Variants in BMPR1B observed in about 807,000 individuals in gnomAD.
BMPR1B encodes bone morphogenetic protein receptor type-1B.
Under a neutral mutation model 59.1 loss-of-function variants are expected in BMPR1B, and 12 were observed. The ratio of observed to expected loss-of-function variants is 0.20; its 90% CI spans 0.13 to 0.33. The LOEUF is 0.33. BMPR1B is among the 10% of genes least tolerant of loss of function. BMPR1B has a pLI of 1.00. For missense variants in BMPR1B, 550 were observed against 610.9 expected (o/e 0.90, Z 1.05); for synonymous variants, 237 against 207.3 (o/e 1.14, Z -1.23).
intron 1 of BMPR1B, among the ~76,000 whole-genome samples, chr4:94,875,346 TCA>T (rs1726679188): frequency 6.6e-6 from 1 of 152,184 alleles, no homozygotes; most frequent in South Asian, 2.1e-4. Context: ...TTCACAATAA[TCA>T]TGGGAAGATG....
At chr4:95,066,782 A>G (rs770203431) in intron 3 of BMPR1B, among the ~76,000 whole-genome samples, 2 of 152,198 alleles carry the variant, frequency 1.3e-5, no homozygotes, top group Non-Finnish European at 2.9e-5. Flanking sequence ...TTTTGAGCCC[A>G]GAGATCCATG....
intron 10 of BMPR1B, among the ~76,000 whole-genome samples, chr4:95,138,736 G>A (rs1733993025): frequency 1.3e-5 from 2 of 152,098 alleles, no homozygotes; most frequent in Non-Finnish European, 2.9e-5. Flanking sequence ...CGTAGTTCTT[G>A]TGCCATGGTT....
At chr4:95,035,967 T>G (rs1296896706) in intron 3 of BMPR1B, among the ~76,000 whole-genome samples, 1 of 152,178 alleles carries the variant, frequency 6.6e-6, no homozygotes, top group African/African-American at 2.4e-5. Flanking sequence ...AGCAGAGTTT[T>G]GTGGTTTTCC....
rs559958397 is a variant in BMPR1B at position 95,073,220 on chromosome 4, T to C, written c.-17-31188T>C. 2.6e-5 allele frequency among the ~76,000 whole-genome samples: 4 copies of C among 152,264 alleles called. No homozygotes were observed. In the East Asian group the frequency reaches 7.7e-4, roughly 29 times the overall value. ...GAGAGATTTGTTCTTAGTAAGTTAA[T>C]ATTTGACTTGCCAAGCCATTTGGGA... On this transcript the variant is annotated intron_variant, in intron 3 of 12. Transcript: ENST00000515059.
chr4:94,976,864 G>A (rs1344266722), intron 2 of BMPR1B, among the ~76,000 whole-genome samples: 1 of 152,020 alleles, frequency 6.6e-6, no homozygotes, highest in East Asian at 1.9e-4. Flanking sequence ...CCTGGGAATT[G>A]TTCTCTGTGG....
chr4:95,145,636 A>G (rs575961609), intron 10 of BMPR1B, among the ~76,000 whole-genome samples: 53 of 152,366 alleles, frequency 3.5e-4, no homozygotes, highest in South Asian at 2.7e-3. Context: ...AACAGGTAAA[A>G]TGATGCTACT....
At chr4:94,791,293 A>G (rs1722980976) in intron 1 of BMPR1B, among the ~76,000 whole-genome samples, 3 of 152,122 alleles carry the variant, frequency 2.0e-5, no homozygotes, top group Admixed American at 1.3e-4. Context: ...CCAGCCACCA[A>G]GTAGGTCTTT....
intron 2 of BMPR1B, among the ~76,000 whole-genome samples, chr4:94,908,302 G>T (rs1446488508): frequency 2.0e-5 from 3 of 151,282 alleles, no homozygotes; most frequent in Non-Finnish European, 4.4e-5. Flanking sequence ...GTATGTGTCT[G>T]ATATTTTATA....
intron 2 of BMPR1B, among the ~76,000 whole-genome samples, chr4:94,892,604 G>T (rs767187165): frequency 3.1e-4 from 47 of 152,008 alleles, no homozygotes; most frequent in Admixed American, 2.1e-3. Context: ...ACCCAGTAAA[G>T]AAGTAATTCT....
chr4:94,917,437 C>G (rs540708240), intron 2 of BMPR1B, among the ~76,000 whole-genome samples: 1 of 152,204 alleles, frequency 6.6e-6, no homozygotes, highest in Non-Finnish European at 1.5e-5. Flanking sequence ...GAGAGCCCAC[C>G]TCTTGCAGCA....
rs60473542 is a variant in BMPR1B, at chr4:94,833,192, C to CAAA, written c.-182-42622_-182-42620dup. Among the ~76,000 whole-genome samples, 472 of 132,980 alleles carry CAAA rather than the reference C, an allele frequency of 3.5e-3. 4 individuals carry two copies. Among genetic ancestry groups the CAAA allele is most frequent in the African/African-American group, 7.6e-3 (272 of 35,702 alleles). 87.2% of individuals were successfully genotyped at this position (132,980 alleles called of 152,430 possible). A position where few individuals can be genotyped will look rare whatever the true frequency, so the allele number is the denominator to read the frequency against. ...GATGAGAGAGGCAGAGACTCTTTCT[C>CAAA]AAAAAAAAAAAAAAAAAAATGCAGG... On this transcript the variant is annotated intron_variant, in intron 1 of 12. Transcript: ENST00000515059.
intron 1 of BMPR1B, among the ~76,000 whole-genome samples, chr4:94,846,617 T>G (rs1725341470): frequency 6.6e-6 from 1 of 152,198 alleles, no homozygotes; most frequent in African/African-American, 2.4e-5. Flanking sequence ...AGACTGGCTC[T>G]CCTTGCTCCT....
chr4:95,132,978 C>G (rs908347905), intron 10 of BMPR1B, among the ~76,000 whole-genome samples: 1 of 152,164 alleles, frequency 6.6e-6, no homozygotes, highest in African/African-American at 2.4e-5. Context: ...GCTCTGCTCT[C>G]TTTTTACCTC....
chr4:95,072,170 A>G (rs1317713260), intron 3 of BMPR1B, among the ~76,000 whole-genome samples: 1 of 152,132 alleles, frequency 6.6e-6, no homozygotes, highest in Non-Finnish European at 1.5e-5. Flanking sequence ...GGGCTCTCTT[A>G]CTTTGAGAAA....
intron 2 of BMPR1B, among the ~76,000 whole-genome samples, chr4:94,969,081 C>G (rs1730673095): frequency 6.6e-6 from 1 of 151,776 alleles, no homozygotes; most frequent in Non-Finnish European, 1.5e-5. Context: ...TGTCGCCAGG[C>G]TGGAGTGCGG....
At chr4:94,984,655 A>G (rs886861476) in intron 2 of BMPR1B, among the ~76,000 whole-genome samples, 1 of 152,212 alleles carries the variant, frequency 6.6e-6, no homozygotes, top group Admixed American at 6.5e-5. Context: ...TTTAAAAATT[A>G]CACAGGTAAT....
rs147660285 is a variant in BMPR1B, at chr4:94,964,726, A to G, written c.-112-31314A>G. The stretch of plus-strand genomic sequence containing the variant: ...GAATGGAAATAACATTGGCTTTTAC[A>G]ACAGGTTAGCAGTGTTTTTCATCAG... On this transcript the variant is annotated intron_variant, in intron 2 of 12. Coordinates refer to ENST00000515059, the MANE Select transcript of BMPR1B (RefSeq NM_001203.3). Among the ~76,000 whole-genome samples, 11 of 152,298 alleles carry G rather than the reference A, an allele frequency of 7.2e-5. No individual in the cohort carries two copies. In the East Asian group the frequency reaches 1.9e-3, roughly 27 times the overall value.
intron 1 of BMPR1B, among the ~76,000 whole-genome samples, chr4:94,787,927 G>C (rs891671459): frequency 1.3e-5 from 2 of 152,130 alleles, no homozygotes; most frequent in Non-Finnish European, 2.9e-5. Flanking sequence ...TAGGAGGTTT[G>C]AGTGGCCTGT....
At chr4:94,770,180 G>GTTTTTTTTTTT (rs1553903537) in intron 1 of BMPR1B, among the ~76,000 whole-genome samples, 4 of 106,252 alleles carry the variant, frequency 3.8e-5, no homozygotes, top group African/African-American at 1.2e-4. Context: ...CTTCGTTTCT[G>GTTTTTTTTTTT]TGTTTGTTTT....
Sources: gnomAD v4.1 joint callset for allele counts (sites outside exome capture counted in the v4.1 genomes callset) on GRCh38, gnomAD v4.1.1 for gene constraint, MANE v1.5 for transcripts, NCBI Gene and HGNC (gene_info 2026-07-23, HGNC 2026-07-21) for gene names.